ERBB4: variants seen among roughly 807,000 people sequenced by gnomAD.
ERBB4 encodes erb-b2 receptor tyrosine kinase 4.
ERBB4 carries 42 observed loss-of-function variants against 158.0 expected under a neutral mutation model. The ratio of observed to expected loss-of-function variants is 0.27; its 90% CI spans 0.21 to 0.34. ERBB4 has a LOEUF of 0.34. ERBB4 is among the 10% of genes least tolerant of loss of function. The pLI is 1.00. For synonymous variants in ERBB4, 583 were observed against 558.7 expected (o/e 1.04, Z -0.61); for missense variants, 1,333 against 1,624.1 (o/e 0.82, Z 3.08).
intron 2 of ERBB4, among the ~76,000 whole-genome samples, chr2:212,018,230 C>T (rs1251438873): frequency 6.6e-6 from 1 of 152,084 alleles, no homozygotes; most frequent in Non-Finnish European, 1.5e-5. Context: ...TCCAACAAGC[C>T]ACAGCAGGAC....
At chr2:211,762,421 A>G (rs1385125412) in intron 4 of ERBB4, among the ~76,000 whole-genome samples, 4 of 152,218 alleles carry the variant, frequency 2.6e-5, no homozygotes, top group Admixed American at 2.0e-4. Flanking sequence ...TCACTCTGCC[A>G]CTGGAACTTC....
At chr2:212,009,414 AC>A (rs2125302221) in intron 2 of ERBB4, among the ~76,000 whole-genome samples, 1 of 151,570 alleles carries the variant, frequency 6.6e-6, no homozygotes, top group South Asian at 2.1e-4. Flanking sequence ...CTTGGGGGCT[AC>A]TAGATGTTGG....
At chr2:212,462,216 A>G (rs1362261850) in intron 1 of ERBB4, among the ~76,000 whole-genome samples, 1 of 152,228 alleles carries the variant, frequency 6.6e-6, no homozygotes, top group Non-Finnish European at 1.5e-5. Flanking sequence ...TTTTATAGTT[A>G]AGCTCTTAAA....
chr2:212,483,694 C>T (rs570994427), intron 1 of ERBB4, among the ~76,000 whole-genome samples: 5 of 152,160 alleles, frequency 3.3e-5, no homozygotes, highest in Non-Finnish European at 7.3e-5. Flanking sequence ...TTGACTCTTT[C>T]TAAATCTGCT....
intron 1 of ERBB4, among the ~76,000 whole-genome samples, chr2:212,390,152 T>C (rs2090811653): frequency 6.6e-6 from 1 of 151,886 alleles, no homozygotes. Flanking sequence ...TAAATTAAAA[T>C]GTAACATCTC....
At chr2:211,431,909 T>G (rs2063754760) in intron 20 of ERBB4, among the ~76,000 whole-genome samples, 1 of 152,142 alleles carries the variant, frequency 6.6e-6, no homozygotes, top group South Asian at 2.1e-4. Context: ...TGTATTAATA[T>G]CTATACAAAT....
chr2:212,464,040 C>G lies in ERBB4; in HGVS notation c.82+74409G>C, dbSNP rs1574968998. ...AAGTGGAATACAGAAACTGCCACTT[C>G]TGCTTAACTAGTTGGAGTGATGTGA... On this transcript the variant is annotated intron_variant, in intron 1 of 27. Transcript: ENST00000342788. 5.3e-5 allele frequency among the ~76,000 whole-genome samples: 8 copies of G among 152,240 alleles called. No homozygotes were observed. In the South Asian group the frequency reaches 1.7e-3, roughly 32 times the overall value.
chr2:211,628,244 T>G (rs1227990013), intron 17 of ERBB4, among the ~76,000 whole-genome samples: 2 of 152,030 alleles, frequency 1.3e-5, no homozygotes, highest in African/African-American at 4.8e-5. Context: ...TGTATACATG[T>G]GCCATGTTGG....
At chr2:212,229,918 G>A (rs529275043) in intron 1 of ERBB4, among the ~76,000 whole-genome samples, 1 of 152,124 alleles carries the variant, frequency 6.6e-6, no homozygotes, top group Non-Finnish European at 1.5e-5. Flanking sequence ...AGTTATAAGA[G>A]GAAGATTATG....
intron 2 of ERBB4, among the ~76,000 whole-genome samples, chr2:211,988,898 T>C (rs1390871383): frequency 6.6e-6 from 1 of 152,098 alleles, no homozygotes. Context: ...CGATCATGCA[T>C]AAAATTGTTC....
intron 20 of ERBB4, 55 bp downstream of exon 20, chr2:211,561,848 G>T (rs778448683): frequency 1.4e-6 from 2 of 1,447,442 alleles, no homozygotes; most frequent in East Asian, 2.3e-5. Context: ...ACTGTTCCAG[G>T]TTAGGAAATA....
At chr2:211,856,727 G>A (rs2077876447) in intron 3 of ERBB4, among the ~76,000 whole-genome samples, 1 of 152,116 alleles carries the variant, frequency 6.6e-6, no homozygotes, top group East Asian at 1.9e-4. Context: ...AAAGAAAGCA[G>A]ACTTCTGGAG....
chr2:211,815,777 T>C (rs1251780274), intron 3 of ERBB4, among the ~76,000 whole-genome samples: 4 of 152,154 alleles, frequency 2.6e-5, no homozygotes, highest in African/African-American at 9.7e-5. Flanking sequence ...ACCCTCAGTG[T>C]GGTGGCAACA....
At chr2:212,043,727 CCA>C (rs2077194018) in intron 2 of ERBB4, among the ~76,000 whole-genome samples, 1 of 152,176 alleles carries the variant, frequency 6.6e-6, no homozygotes, top group South Asian at 2.1e-4. Context: ...AAGAACCTGA[CCA>C]TTGAATCAGG....
chr2:211,525,444 G>C (rs193290188), intron 20 of ERBB4, among the ~76,000 whole-genome samples: 22 of 152,294 alleles, frequency 1.4e-4, no homozygotes, highest in Non-Finnish European at 2.5e-4. Flanking sequence ...CTCTGGGCCA[G>C]AAGAAAACCT....
At chr2:212,101,497 T>TG (rs1404353510) in intron 2 of ERBB4, among the ~76,000 whole-genome samples, 8 of 151,600 alleles carry the variant, frequency 5.3e-5, no homozygotes, top group Admixed American at 5.3e-4. Context: ...TTAGGTTATA[T>TG]GAAATTAGTG....
chr2:211,753,147 C>A (rs551065821), intron 4 of ERBB4, among the ~76,000 whole-genome samples: 1 of 117,840 alleles, frequency 8.5e-6, no homozygotes, highest in East Asian at 2.2e-4. Context: ...AATATCTGAC[C>A]AAAATATCTG....
intron 1 of ERBB4, among the ~76,000 whole-genome samples, chr2:212,403,136 T>G (rs2091255968): frequency 1.3e-5 from 2 of 152,192 alleles, no homozygotes; most frequent in African/African-American, 4.8e-5. Flanking sequence ...TTTATTACTG[T>G]AGTTAGTAAA....
intron 14 of ERBB4, among the ~76,000 whole-genome samples, chr2:211,667,594 A>G (rs534399582): frequency 1.3e-5 from 2 of 152,248 alleles, no homozygotes; most frequent in East Asian, 3.9e-4. Context: ...AATATTGTCT[A>G]TTACACAGAA....
Sources: gnomAD v4.1 joint callset for allele counts (sites outside exome capture counted in the v4.1 genomes callset) on GRCh38, gnomAD v4.1.1 for gene constraint, MANE v1.5 for transcripts, NCBI Gene and HGNC (gene_info 2026-07-23, HGNC 2026-07-21) for gene names.